Variants in EFHC2 observed in about 807,000 individuals in gnomAD.
EFHC2 encodes the protein EF-hand domain containing 2.
EFHC2 carries 18 observed loss-of-function variants against 52.7 expected under a neutral mutation model. The ratio of observed to expected loss-of-function variants is 0.34; its 90% CI spans 0.24 to 0.51. The LOEUF is 0.51. EFHC2 is among the 20% of genes least tolerant of loss of function. EFHC2 has a pLI of 0.97. For missense variants in EFHC2, 513 were observed against 562.5 expected, an observed-to-expected ratio of 0.91 and a Z score of 0.89; for synonymous variants, 203 against 204.1, an observed-to-expected ratio of 0.99 and a Z score of 0.04.
chrX:44,326,736 T>A (rs896408802), intron 1 of EFHC2, among the ~76,000 whole-genome samples: 1 of 91,408 alleles, frequency 1.1e-5, no homozygotes, highest in African/African-American at 4.1e-5. Context: ...TTTTTTTTTT[T>A]TTTTTTTTTT....
intron 5 of EFHC2, among the ~76,000 whole-genome samples, chrX:44,249,212 C>T (rs1015511659): frequency 1.8e-5 from 2 of 111,422 alleles, no homozygotes; most frequent in African/African-American, 6.5e-5. Flanking sequence ...TCCAAGCAAA[C>T]GCAGTAGGGC....
At chrX:44,285,844 G>T in intron 2 of EFHC2, 1 of 148,464 alleles carries the variant, frequency 6.7e-6, no homozygotes, top group South Asian at 1.7e-4. Flanking sequence ...AGCCCATGAT[G>T]ATCCACTGCC....
At chrX:44,299,747 T>C (rs1215198462) in intron 2 of EFHC2, among the ~76,000 whole-genome samples, 2 of 112,139 alleles carry the variant, frequency 1.8e-5, no homozygotes, top group Non-Finnish European at 3.8e-5. Flanking sequence ...CTGTCTCAGA[T>C]ACTTTGGGGT....
intron 13 of EFHC2, among the ~76,000 whole-genome samples, chrX:44,170,141 T>C (rs1045871149): frequency 4.4e-4 from 49 of 111,498 alleles, no homozygotes; most frequent in African/African-American, 1.6e-3. Flanking sequence ...AAAAAGCAGA[T>C]GAGAGACTCT....
intron 11 of EFHC2, among the ~76,000 whole-genome samples, chrX:44,205,120 C>T (rs992101455): frequency 1.8e-5 from 2 of 111,434 alleles, no homozygotes; most frequent in Non-Finnish European, 3.8e-5. Flanking sequence ...GCTTCATAAA[C>T]GAAGGTGAGT....
intron 12 of EFHC2, among the ~76,000 whole-genome samples, chrX:44,176,822 C>A (rs1337782638): frequency 8.9e-6 from 1 of 111,941 alleles, no homozygotes; most frequent in Non-Finnish European, 1.9e-5. Flanking sequence ...TGGACCCAAA[C>A]CTTATCACCT....
intron 12 of EFHC2, among the ~76,000 whole-genome samples, chrX:44,178,129 T>TCACACACACACA (rs201977577): frequency 0.17 from 13,997 of 83,655 alleles, 1,399 homozygotes; most frequent in African/African-American, 0.25. Context: ...AGATGCCATA[T>TCACACACACACA]CACACACACA....
chrX:44,159,137 G>A (rs1319162147), intron 14 of EFHC2, among the ~76,000 whole-genome samples: 1 of 111,392 alleles, frequency 9.0e-6, no homozygotes, highest in Non-Finnish European at 1.9e-5. Flanking sequence ...TTCCATCACA[G>A]TTCGACTTCT....
chrX:44,169,709 A>G (rs1321549002), intron 13 of EFHC2, among the ~76,000 whole-genome samples: 2 of 102,126 alleles, frequency 2.0e-5, no homozygotes, highest in Non-Finnish European at 4.0e-5. Flanking sequence ...ATGAATCTAT[A>G]TATAGCTACA....
At chrX:44,229,861 G>A in intron 10 of EFHC2, 82 bp from the exon 11 acceptor site, 1 of 963,916 alleles carries the variant, frequency 1.0e-6, no homozygotes, top group Non-Finnish European at 1.4e-6. Context: ...GGCCAGCAAA[G>A]GGACTTCACA....
intron 7 of EFHC2, among the ~76,000 whole-genome samples, chrX:44,245,850 G>A (rs998488873): frequency 1.9e-4 from 21 of 111,520 alleles, no homozygotes; most frequent in African/African-American, 6.5e-4. Context: ...ATGTTGGGGT[G>A]TCATTACACA....
intron 13 of EFHC2, among the ~76,000 whole-genome samples, chrX:44,165,312 A>G (rs2036688182): frequency 8.9e-6 from 1 of 112,116 alleles, no homozygotes; most frequent in South Asian, 3.7e-4. Context: ...CAAAGTGACC[A>G]GAAGAGGGGA....
At chrX:44,160,348 GGAAAA>G (rs2036642099) in intron 14 of EFHC2, among the ~76,000 whole-genome samples, 2 of 110,612 alleles carry the variant, frequency 1.8e-5, no homozygotes, top group African/African-American at 3.3e-5. Context: ...ATGAGAAAAA[GGAAAA>G]GAAAAGAAAG....
rs1290964844 is a variant in EFHC2, at chrX:44,148,084, G to A, written c.*711C>T. On this transcript the variant is annotated 3_prime_UTR_variant, in exon 15 of 15. Transcript: ENST00000420999. ...CTCAAAATCTTCAGCTTTCACATTT[G>A]TAAATATTTTAGACATAATAAAGTT... is the stretch of plus-strand genomic sequence containing the variant. 9.1e-6 allele frequency: 1 copy of A among 110,485 alleles called. No individual in the cohort carries two copies. Among genetic ancestry groups the A allele is most frequent in the East Asian group, 2.8e-4 (1 of 3,544 alleles). 9.1% of individuals were successfully genotyped at this position (110,485 alleles called of 1,213,427 possible).
intron 2 of EFHC2, among the ~76,000 whole-genome samples, chrX:44,308,613 G>C (rs1386703198): frequency 9.0e-6 from 1 of 111,208 alleles, no homozygotes; most frequent in African/African-American, 3.3e-5. Flanking sequence ...TCTACTCAGA[G>C]GGGGCAGAGA....
intron 2 of EFHC2, chrX:44,309,902 A>C: frequency 9.0e-7 from 1 of 1,111,702 alleles, no homozygotes; most frequent in Non-Finnish European, 1.2e-6. Flanking sequence ...CATTGAAGAG[A>C]AATTCCCTTT....
chrX:44,333,343 G>A (rs773697218), intron 1 of EFHC2, among the ~76,000 whole-genome samples: 3 of 111,188 alleles, frequency 2.7e-5, no homozygotes, highest in African/African-American at 6.5e-5. Flanking sequence ...TCAGGATCTA[G>A]ATGGGAAGAG....
At chrX:44,309,558 G>C in intron 2 of EFHC2, 12 of 1,186,958 alleles carry the variant, frequency 1.0e-5, no homozygotes, top group Non-Finnish European at 1.4e-5. Context: ...TCACAGGCAA[G>C]GCCTCGGTGA....
At chrX:44,320,715 C>T (rs1480717787) in intron 1 of EFHC2, among the ~76,000 whole-genome samples, 2 of 110,362 alleles carry the variant, frequency 1.8e-5, no homozygotes, top group Non-Finnish European at 1.9e-5. Context: ...GTCTTGCTTT[C>T]GTTACCATCT....
Sources: gnomAD v4.1 joint callset for allele counts (sites outside exome capture counted in the v4.1 genomes callset) on GRCh38, gnomAD v4.1.1 for gene constraint, MANE v1.5 for transcripts, NCBI Gene and HGNC (gene_info 2026-07-23, HGNC 2026-07-21) for gene names.